The following COL4A2 variants were observed in gnomAD, a reference collection of about 807,000 sequenced individuals.
COL4A2 encodes the protein collagen type IV alpha 2 chain, also known as collagen alpha-2(IV) chain.
Under a neutral mutation model 200.2 loss-of-function variants are expected in COL4A2, and 99 were observed. That is an observed-to-expected ratio of 0.49 (90% CI 0.42 to 0.58). The LOEUF (loss-of-function observed/expected upper bound fraction) is 0.58, where lower values mean the gene tolerates loss of function less well. Among genes scored for constraint, COL4A2 ranks in the 20% least tolerant of loss-of-function variants. The pLI, the probability that COL4A2 is intolerant of heterozygous loss-of-function variation, is 0.00. For synonymous variants in COL4A2, 897 were observed against 900.6 expected, an observed-to-expected ratio of 1.00 and a Z score of 0.07; for missense variants, 1,950 against 2,314.1, an observed-to-expected ratio of 0.84 and a Z score of 3.23.
intron 4 of COL4A2, among the ~76,000 whole-genome samples, chr13:110,363,513 G>A (rs953574475): frequency 6.6e-5 from 10 of 152,114 alleles, no homozygotes; most frequent in African/African-American, 1.4e-4. Context: ...TGCTCGGGGC[G>A]GGTTGGAGGC....
At chr13:110,408,330 A>C (rs898046264) in intron 4 of COL4A2, among the ~76,000 whole-genome samples, 1 of 152,184 alleles carries the variant, frequency 6.6e-6, no homozygotes, top group African/African-American at 2.4e-5. Flanking sequence ...CCATGGTTCA[A>C]GGTGTGAATG....
intron 4 of COL4A2, among the ~76,000 whole-genome samples, chr13:110,414,919 A>G (rs902939169): frequency 1.3e-5 from 2 of 152,180 alleles, no homozygotes; most frequent in African/African-American, 2.4e-5. Flanking sequence ...TAGTTTCTGT[A>G]TGGTAGAATT....
Position 110,489,453 on chromosome 13 carries a change from A to T in COL4A2, c.3216A>T (p.Lys1072Asn). The change falls in exon 35 of 48, where the codon AAA becomes AAT. Residue 1072 changes from lysine (K) to asparagine (N), a missense_variant. This residue lies in a region of COL4A2 where 1,385 missense variants were observed against 1,720.5 expected (regional missense o/e 0.80). Coordinates refer to ENST00000360467, the MANE Select transcript of COL4A2 (RefSeq NM_001846.4). ...FPGFIGSRGD[K>N]GAPGRAGLYG... Reference sequence around the variant, plus strand: ...TTCATGTCTGTCTTTAGGGTGACAAAGGTGCCCCAGGGAGAGCAGGCCTGT... The same window carrying T: ...TTCATGTCTGTCTTTAGGGTGACAATGGTGCCCCAGGGAGAGCAGGCCTGT... 1 of 1,614,140 alleles carries T rather than the reference A, an allele frequency of 6.2e-7. No individual in the cohort carries two copies. The highest frequency in any genetic ancestry group is 8.5e-7 in the Non-Finnish European group (1 of 1,180,010).
chr13:110,488,503 C>T (rs1014598339), intron 34 of COL4A2, among the ~76,000 whole-genome samples: 1 of 152,194 alleles, frequency 6.6e-6, no homozygotes, highest in African/African-American at 2.4e-5. Context: ...CAGGCATCTT[C>T]TCAATTTCCT....
At chr13:110,407,721 G>A (rs960894049) in intron 4 of COL4A2, among the ~76,000 whole-genome samples, 1 of 152,178 alleles carries the variant, frequency 6.6e-6, no homozygotes. Context: ...GAATGCAGAG[G>A]AAACGGCAGA....
intron 3 of COL4A2, among the ~76,000 whole-genome samples, chr13:110,322,951 A>T (rs1300599747): frequency 6.6e-6 from 1 of 152,218 alleles, no homozygotes; most frequent in Non-Finnish European, 1.5e-5. Flanking sequence ...CTGGAGCGGG[A>T]GGGCGGATGC....
intron 4 of COL4A2, among the ~76,000 whole-genome samples, chr13:110,368,049 C>T (rs1877832407): frequency 6.6e-6 from 1 of 152,176 alleles, no homozygotes; most frequent in Admixed American, 6.5e-5. Context: ...TCATTTAACA[C>T]CTGAAATTTT....
intron 27 of COL4A2, 77 bp downstream of exon 27, chr13:110,467,173 C>A: frequency 6.3e-7 from 1 of 1,581,838 alleles, no homozygotes; most frequent in Non-Finnish European, 8.6e-7. Flanking sequence ...CCCCGCCCAT[C>A]TTTCCTCTGG....
intron 22 of COL4A2, 129 bp downstream of exon 22, chr13:110,459,063 T>A (rs1430021400): frequency 1.1e-6 from 1 of 913,488 alleles, no homozygotes; most frequent in Non-Finnish European, 1.6e-6. Flanking sequence ...AAGGCATGGC[T>A]AAACCATTCT....
chr13:110,469,490 A>G (rs556121244), intron 28 of COL4A2, among the ~76,000 whole-genome samples, 166 bp downstream of exon 28: 65 of 152,382 alleles, frequency 4.3e-4, no homozygotes, highest in African/African-American at 1.5e-3. Context: ...TTGATTTTTC[A>G]TAACTGATAT....
intron 20 of COL4A2, among the ~76,000 whole-genome samples, chr13:110,454,458 G>A (rs577284622): frequency 9.2e-5 from 14 of 152,228 alleles, no homozygotes; most frequent in African/African-American, 3.4e-4. Flanking sequence ...AGTGTGTGTG[G>A]TTAAATTTCT....
intron 4 of COL4A2, among the ~76,000 whole-genome samples, chr13:110,404,227 A>G (rs1879480768): frequency 6.6e-6 from 1 of 152,252 alleles, no homozygotes; most frequent in Non-Finnish European, 1.5e-5. Context: ...GATTTATTTT[A>G]GTATTGCTCA....
intron 45 of COL4A2, among the ~76,000 whole-genome samples, chr13:110,505,154 T>G (rs930664462): frequency 4.0e-5 from 6 of 151,368 alleles, no homozygotes; most frequent in Admixed American, 2.0e-4. Context: ...ATCGAGACCA[T>G]CCTGGCTAAC....
intron 4 of COL4A2, among the ~76,000 whole-genome samples, chr13:110,379,129 A>C (rs1363162379): frequency 6.6e-6 from 1 of 152,204 alleles, no homozygotes; most frequent in Admixed American, 6.5e-5. Context: ...GCTTCCTCTC[A>C]GGGACATCAG....
At chr13:110,450,593 C>A in intron 20 of COL4A2, 139 bp downstream of exon 20, 2 of 1,002,510 alleles carry the variant, frequency 2.0e-6, no homozygotes, top group Non-Finnish European at 2.9e-6. Context: ...TGCAGTGGAT[C>A]CAGGTAGATT....
chr13:110,389,411 T>C (rs572297084), intron 4 of COL4A2, among the ~76,000 whole-genome samples: 1 of 152,370 alleles, frequency 6.6e-6, no homozygotes, highest in South Asian at 2.1e-4. Flanking sequence ...GAAGTGTGCG[T>C]GTGCGAGAAT....
intron 30 of COL4A2, among the ~76,000 whole-genome samples, chr13:110,479,134 A>G (rs1882803116): frequency 6.6e-6 from 1 of 152,218 alleles, no homozygotes; most frequent in Non-Finnish European, 1.5e-5. Context: ...CTCCTATCTC[A>G]GTATCGACAG....
intron 46 of COL4A2, 138 bp from the exon 47 acceptor site, chr13:110,507,797 G>A: frequency 1.3e-6 from 1 of 795,756 alleles, no homozygotes; most frequent in East Asian, 2.5e-5. Context: ...CCTTAGCCTG[G>A]CCCTCCAGTA....
intron 32 of COL4A2, among the ~76,000 whole-genome samples, chr13:110,483,143 C>T (rs909047404): frequency 3.9e-5 from 6 of 152,184 alleles, no homozygotes; most frequent in African/African-American, 1.2e-4. Context: ...AGACCCCCCA[C>T]GTAAGGCCCC....
Sources: gnomAD v4.1 joint callset for allele counts (sites outside exome capture counted in the v4.1 genomes callset) on GRCh38, gnomAD v4.1.1 for gene constraint, gnomAD v4.1.1 regional missense constraint, MANE v1.5 for transcripts, NCBI Gene and HGNC (gene_info 2026-07-23, HGNC 2026-07-21) for gene names.